The following ZNF649 variants were observed in gnomAD, a reference collection of about 807,000 sequenced individuals.
The protein encoded by ZNF649 is zinc finger protein 649.
ZNF649 carries 7 observed loss-of-function variants against 14.1 expected under a neutral mutation model. That is an observed-to-expected ratio of 0.49 (90% confidence interval 0.28 to 0.93). ZNF649 has a LOEUF of 0.93. Ranked by LOEUF, ZNF649 falls within the 40% of genes least tolerant of loss-of-function variation. ZNF649 has a pLI of 0.10. For synonymous variants in ZNF649, 227 were observed against 212.3 expected (o/e 1.07, Z -0.60); for missense variants, 544 against 608.1 (o/e 0.89, Z 1.11).
intron 4 of ZNF649, among the ~76,000 whole-genome samples, chr19:51,893,562 A>T (rs1024349664): frequency 6.6e-6 from 1 of 152,152 alleles, no homozygotes; most frequent in Non-Finnish European, 1.5e-5. Flanking sequence ...TTCCAACAGA[A>T]AGAGAAACAG....
At chr19:51,903,012 G>A (rs1302740257) in intron 1 of ZNF649, among the ~76,000 whole-genome samples, 3 of 152,164 alleles carry the variant, frequency 2.0e-5, no homozygotes, top group Admixed American at 2.0e-4. Context: ...CCAAAGGTGA[G>A]TATTCTCAGG....
rs1181697055 is a variant in ZNF649 at position 51,889,921 on chromosome 19, A to C, written c.*697T>G. ...TGAACGTAAATGATCTAAATACCCC[A>C]GTAAAAAGACAGAGATTGTTAACTG... On this transcript the variant is annotated 3_prime_UTR_variant, in exon 5 of 5. Transcript: ENST00000354957. The C allele has an allele frequency of 6.6e-6, 1 of 152,262 alleles. No homozygotes were observed. The highest frequency in any genetic ancestry group is 1.5e-5 in the Non-Finnish European group (1 of 68,046). The allele number at this position is 152,262 out of a possible 1,614,324, so 9.4% of individuals were successfully genotyped here.
At position 51,900,171 on chromosome 19, in the gene ZNF649, TC is replaced by T. The variant is rs991238332; in HGVS notation, c.-65del. On this transcript the variant is annotated 5_prime_UTR_variant, in exon 2 of 5. Coordinates refer to ENST00000354957, the MANE Select transcript of ZNF649 (RefSeq NM_023074.4). ...TTCGTCTTTGGTTTCTTCTGGATCC[TC>T]CCTAAATTTTGGCTAAGAAATCTGA... 1.1e-4 allele frequency: 146 copies of T among 1,387,214 alleles called. No individual in the cohort carries two copies. Among genetic ancestry groups the T allele is most frequent in the Non-Finnish European group, 1.4e-4 (143 of 1,051,408 alleles). 85.9% of individuals were successfully genotyped at this position (1,387,214 alleles called of 1,614,324 possible). A position where few individuals can be genotyped will look rare whatever the true frequency, so the allele number is the denominator to read the frequency against.
intron 4 of ZNF649, among the ~76,000 whole-genome samples, chr19:51,895,330 G>GT (rs1450664904): frequency 6.6e-6 from 1 of 151,902 alleles, no homozygotes; most frequent in Non-Finnish European, 1.5e-5. Context: ...CAGTTTTTTT[G>GT]TTTTTTTGTT....
rs1001096457 is a variant in ZNF649, at chr19:51,890,943, C to A, written c.1193G>T (p.Gly398Val). 1 of 1,613,748 alleles carries A rather than the reference C, an allele frequency of 6.2e-7. No homozygotes were observed. Among genetic ancestry groups the A allele is most frequent in the Non-Finnish European group, 8.5e-7 (1 of 1,179,904 alleles). Residue 398 changes from glycine (G) to valine (V), a missense_variant, in exon 5 of 5, where the codon GGA (glycine) becomes GTA (valine). Physicochemically the swap from Gly to Val is moderately radical, Grantham distance 109. Transcript: ENST00000354957. ...GLIRHQKIHS[G>V]EKPYKCSDCG... ...GTCACTGCATTTATAGGGTTTCTCT[C>A]CTGAGTGAATTTTCTGATGTCTAAT...
At chr19:51,902,349 C>T (rs1411382159) in intron 1 of ZNF649, among the ~76,000 whole-genome samples, 2 of 152,188 alleles carry the variant, frequency 1.3e-5, no homozygotes. Context: ...CAAGCCTGCC[C>T]CCAACTTCAG....
At chr19:51,902,623 T>C (rs1374670214) in intron 1 of ZNF649, among the ~76,000 whole-genome samples, 1 of 152,204 alleles carries the variant, frequency 6.6e-6, no homozygotes, top group African/African-American at 2.4e-5. Context: ...GAAAATAAAA[T>C]ATAAAAGCTG....
At chr19:51,898,412 A>G (rs1345999941) in intron 2 of ZNF649, among the ~76,000 whole-genome samples, 2 of 152,124 alleles carry the variant, frequency 1.3e-5, no homozygotes, top group Non-Finnish European at 2.9e-5. Context: ...AACTCAGGAA[A>G]ATGTCACACA....
chr19:51,898,927 A>AT (rs145789296), intron 2 of ZNF649, among the ~76,000 whole-genome samples: 13,327 of 151,970 alleles, frequency 0.088, 1,854 homozygotes, highest in African/African-American at 0.29. Context: ...AAAATAAAAA[A>AT]TAAAAAAAAG....
At chr19:51,899,115 A>G (rs747225013) in intron 2 of ZNF649, among the ~76,000 whole-genome samples, 1 of 152,194 alleles carries the variant, frequency 6.6e-6, no homozygotes, top group Non-Finnish European at 1.5e-5. Context: ...CTGGTTATGA[A>G]GAACAAAATA....
rs543216153 is a variant in ZNF649, at chr19:51,900,123, G to A, written c.-16C>T. 1 of 1,498,324 alleles carries A rather than the reference G, an allele frequency of 6.7e-7. No homozygotes were observed. Among genetic ancestry groups the A allele is most frequent in the Non-Finnish European group, 8.9e-7 (1 of 1,120,842 alleles). The allele number at this position is 1,498,324 out of a possible 1,614,324, so 92.8% of individuals were successfully genotyped here. ...CCTTTGTCATTTTCTTCTGTTTCAG[G>A]AAATACCCAAGAACTGGGATGCTTC... On this transcript the variant is annotated 5_prime_UTR_variant, in exon 2 of 5. Coordinates refer to ENST00000354957, the MANE Select transcript of ZNF649 (RefSeq NM_023074.4).
intron 2 of ZNF649, among the ~76,000 whole-genome samples, chr19:51,898,937 G>T (rs1171824543): frequency 3.3e-5 from 5 of 151,864 alleles, no homozygotes; most frequent in African/African-American, 1.2e-4. Context: ...ATAAAAAAAA[G>T]AAATCATCAA....
chr19:51,891,436 G>A lies in ZNF649; in HGVS notation c.700C>T (p.His234Tyr), dbSNP rs762222814. ...GCTTTCCCACACAAGCTACACCCGT[G>A]GGGTTTCTCTCCTCTGTGAGCTCTC... ...HERAHRGEKPHGCSLCGKAFY... is the reference protein window; with the variant it reads ...HERAHRGEKPYGCSLCGKAFY... The change falls in exon 5 of 5, where the codon CAC (histidine) becomes TAC (tyrosine). Residue 234 changes from histidine (H) to tyrosine (Y), a missense_variant. By Grantham distance (83) the His-to-Tyr change is moderately conservative. Coordinates refer to ENST00000354957, the MANE Select transcript of ZNF649 (RefSeq NM_023074.4). This position sits in a 1 kb window ranked among gnomAD's most constrained non-coding sequence, Gnocchi z 4.2. The A allele has an allele frequency of 6.2e-7, 1 of 1,613,238 alleles. No individual in the cohort carries two copies. Among genetic ancestry groups the A allele is most frequent in the South Asian group, 1.1e-5 (1 of 90,998 alleles).
At chr19:51,895,049 A>G (rs2085051427) in intron 4 of ZNF649, among the ~76,000 whole-genome samples, 1 of 152,204 alleles carries the variant, frequency 6.6e-6, no homozygotes, top group Non-Finnish European at 1.5e-5. Flanking sequence ...AATGACCAAG[A>G]TGTATTTCAA....
chr19:51,903,231 T>G (rs2085104877), intron 1 of ZNF649, among the ~76,000 whole-genome samples: 1 of 151,492 alleles, frequency 6.6e-6, no homozygotes, highest in Non-Finnish European at 1.5e-5. Context: ...TCCTTTTGAG[T>G]TTTTACGCTG....
At position 51,893,461 on chromosome 19, in the gene ZNF649, C is replaced by T. The variant is rs543037614; in HGVS notation, c.239-1564G>A. ...AGTCACACCACTCAGATCTGCGAAT[C>T]ATCTTTTGTTAGAATATAAAGTTTC... On this transcript the variant is annotated intron_variant, in intron 4 of 4. Coordinates refer to ENST00000354957, the MANE Select transcript of ZNF649 (RefSeq NM_023074.4). Among the ~76,000 whole-genome samples, 82 of 152,066 alleles carry T rather than the reference C, an allele frequency of 5.4e-4. 1 individual carries two copies. Among genetic ancestry groups the T allele is most frequent in the Non-Finnish European group, 3.4e-4 (23 of 68,020 alleles).
chr19:51,904,577 G>A (rs529954521), intron 1 of ZNF649, among the ~76,000 whole-genome samples: 112 of 150,656 alleles, frequency 7.4e-4, no homozygotes, highest in Admixed American at 3.4e-3. Flanking sequence ...CCAGCACCCC[G>A]GCTTCATCAC....
Position 51,896,901 on chromosome 19 carries a change from G to T in ZNF649, c.93C>A (p.Asp31Glu). 2 of 1,614,142 alleles carry T rather than the reference G, an allele frequency of 1.2e-6. No homozygotes were observed. The highest frequency in any genetic ancestry group is 1.3e-5 in the African/African-American group (1 of 75,034). ...TCTCCAACATCACATCCCGGTACAG[G>T]TCCTTCTGAGCAGGGCTCAGGAACT... The part of the protein sequence containing the change: ...EWQFLSPAQK[D>E]LYRDVMLENY... The change falls in exon 3 of 5, where the codon GAC (aspartate) becomes GAA (glutamate). Residue 31 changes from aspartate (D) to glutamate (E), a missense_variant. Asp to Glu is a conservative substitution (Grantham distance 45, BLOSUM62 2). Transcript: ENST00000354957.
chr19:51,898,777 G>A (rs552149924), intron 2 of ZNF649, among the ~76,000 whole-genome samples: 4 of 151,978 alleles, frequency 2.6e-5, no homozygotes, highest in Non-Finnish European at 5.9e-5. Context: ...GCTGGGTGTG[G>A]TGGTTTGTAC....
Sources: gnomAD v4.1 joint callset for allele counts (sites outside exome capture counted in the v4.1 genomes callset) on GRCh38, gnomAD v4.1.1 for gene constraint, Gnocchi (gnomAD v3.1) non-coding constraint, MANE v1.5 for transcripts, NCBI Gene and HGNC (gene_info 2026-07-23, HGNC 2026-07-21) for gene names.